CFAP74: variants seen among roughly 807,000 people sequenced by gnomAD.
CFAP74 encodes the protein cilia and flagella associated protein 74.
CFAP74 carries 124 observed loss-of-function variants against 188.9 expected under a neutral mutation model. The ratio of observed to expected loss-of-function variants is 0.66; its 90% CI spans 0.57 to 0.76. The LOEUF is 0.76. Ranked by LOEUF, CFAP74 falls within the 30% of genes least tolerant of loss-of-function variation. The probability of loss-of-function intolerance (pLI) is 0.00; values close to 1 mark genes in which losing one functional copy is unlikely to be tolerated. For synonymous variants in CFAP74, 956 were observed against 916.7 expected (o/e 1.04, Z -0.77); for missense variants, 2,198 against 2,165.2 (o/e 1.02, Z -0.30).
At chr1:1,970,949 GCACATGCA>G (rs1655935290) in intron 9 of CFAP74, 133 bp from the exon 10 acceptor site, 2 of 1,060,956 alleles carry the variant, frequency 1.9e-6, no homozygotes, top group Admixed American at 4.2e-5. Flanking sequence ...ATGCACACCT[GCACATGCA>G]CACATCACAC....
chr1:1,983,289 C>CT (rs1657023394), intron 6 of CFAP74, among the ~76,000 whole-genome samples: 1 of 152,218 alleles, frequency 6.6e-6, no homozygotes, highest in Admixed American at 6.5e-5. Context: ...GGACACGGAG[C>CT]GGGATTTCCC....
intron 14 of CFAP74, among the ~76,000 whole-genome samples, chr1:1,961,724 C>G (rs921854902): frequency 6.6e-6 from 1 of 152,230 alleles, no homozygotes; most frequent in Admixed American, 6.5e-5. Flanking sequence ...AAACACCAAC[C>G]TCCAGCATGC....
Position 1,975,608 on chromosome 1 carries a change from A to G in CFAP74, c.501-1410T>C, listed in dbSNP as rs1656387293. ...AATTTTAAACAGAGGGCTCCTTTCC[A>G]GGGAGCATGGGTCACTTCGGATCTC... On this transcript the variant is annotated intron_variant, in intron 6 of 38. Transcript: ENST00000682832. The surrounding 1 kb of genome is among the most constrained non-coding windows in gnomAD (Gnocchi z 4.5). Among the ~76,000 whole-genome samples, 1 of 152,176 alleles carries G rather than the reference A, an allele frequency of 6.6e-6. No homozygotes were observed. Among genetic ancestry groups the G allele is most frequent in the Non-Finnish European group, 1.5e-5 (1 of 68,026 alleles).
chr1:1,985,350 C>T (rs1657165675), intron 6 of CFAP74, 36 bp downstream of exon 6: 1 of 1,572,896 alleles, frequency 6.4e-7, no homozygotes, highest in Admixed American at 1.7e-5. Context: ...GTTCTGGGGC[C>T]TGCCTGCTGC....
chr1:1,989,290 C>T (rs1009903829), intron 2 of CFAP74, among the ~76,000 whole-genome samples: 1 of 152,224 alleles, frequency 6.6e-6, no homozygotes, highest in Non-Finnish European at 1.5e-5. Context: ...GAGAGCCGGC[C>T]ACGCAGCTGT....
At chr1:1,998,135 G>A (rs912664955) in intron 1 of CFAP74, among the ~76,000 whole-genome samples, 7 of 152,086 alleles carry the variant, frequency 4.6e-5, no homozygotes, top group African/African-American at 9.7e-5. Flanking sequence ...AAAATTAGCC[G>A]AGTGTGGTGG....
chr1:2,001,662 C>G (rs1328335006), intron 1 of CFAP74, among the ~76,000 whole-genome samples: 1 of 152,142 alleles, frequency 6.6e-6, no homozygotes, highest in African/African-American at 2.4e-5. Context: ...AAAGAACTTC[C>G]CAGTGGAGAT....
Position 1,970,766 on chromosome 1 carries a change from C to T in CFAP74, c.939G>A (p.Ala313=), listed in dbSNP as rs377356521. 83 of 1,614,068 alleles carry T rather than the reference C, an allele frequency of 5.1e-5. No homozygotes were observed. The Middle Eastern group carries it at 6.6e-4, about 13-fold the overall frequency. ...QAWDRAKAEL[A]EQRVQAEKKA... ...TCTTCTCAGCCTGGACCCTCTGCTC[C>T]GCCAGCTCTGCCTTGGCACGGTCCC... is the stretch of plus-strand genomic sequence containing the variant. The change falls in exon 10 of 39, where the codon GCG becomes GCA. Residue 313 remains alanine (A), a synonymous_variant. Coordinates refer to ENST00000682832, the MANE Select transcript of CFAP74 (RefSeq NM_001304360.2).
chr1:1,987,995 G>T (rs138397817), intron 4 of CFAP74: 1 of 424,910 alleles, frequency 2.4e-6, no homozygotes, highest in Non-Finnish European at 4.7e-6. Context: ...TAGAGACAGG[G>T]TCTTGCTCTG....
intron 33 of CFAP74, among the ~76,000 whole-genome samples, chr1:1,925,349 T>C (rs977951324): frequency 2.6e-5 from 4 of 151,264 alleles, no homozygotes; most frequent in African/African-American, 9.8e-5. Context: ...TGTGAAGGCA[T>C]GAGAGCACAC....
chr1:1,988,990 G>C lies in CFAP74; in HGVS notation c.68-17C>G. 8.4e-7 allele frequency: 1 copy of C among 1,192,798 alleles called. No homozygotes were observed. Among genetic ancestry groups the C allele is most frequent in the Non-Finnish European group, 1.2e-6 (1 of 835,276 alleles). 73.9% of individuals were successfully genotyped at this position (1,192,798 alleles called of 1,614,324 possible). A position where few individuals can be genotyped will look rare whatever the true frequency, so the allele number is the denominator to read the frequency against. ...CATCTCTTTCTAGAAATCAAGGCAAGAGTTTAAAAAAAAAAAAAAGCAGAT... is the reference window on the plus strand; with the variant it reads ...CATCTCTTTCTAGAAATCAAGGCAACAGTTTAAAAAAAAAAAAAAGCAGAT... On this transcript the variant is annotated splice_polypyrimidine_tract_variant and intron_variant, in intron 2 of 38. Transcript: ENST00000682832.
chr1:1,974,336 T>C, intron 6 of CFAP74, 138 bp from the exon 7 acceptor site: 3 of 758,786 alleles, frequency 4.0e-6, no homozygotes, highest in South Asian at 4.4e-5. Context: ...CTAGGGGCCA[T>C]CTCCGCTCTG....
intron 17 of CFAP74, 86 bp downstream of exon 17, chr1:1,956,534 T>C: frequency 6.6e-7 from 1 of 1,524,728 alleles, no homozygotes; most frequent in Non-Finnish European, 9.0e-7. Flanking sequence ...GTTGATACCC[T>C]CATGTTGTCA....
chr1:1,988,921 T>A lies in CFAP74; in HGVS notation c.120A>T (p.Glu40Asp), dbSNP rs766053503. The A allele has an allele frequency of 3.2e-6, 5 of 1,571,522 alleles. No individual in the cohort carries two copies. The African/African-American group carries it at 5.5e-5, about 17-fold the overall frequency. Residue 40 changes from glutamate to aspartate, a missense_variant, in exon 3 of 39, where the codon GAA becomes GAT. Coordinates refer to ENST00000682832, the MANE Select transcript of CFAP74 (RefSeq NM_001304360.2). Reference sequence around the variant, plus strand: ...GTCCCGGGTCCACGTCATCCTCAGCTTCCTGTAGAAGACATTTGATGTCAA... The same window carrying A: ...GTCCCGGGTCCACGTCATCCTCAGCATCCTGTAGAAGACATTTGATGTCAA... ...PEFDIKCLLQ[E>D]AEDDVDPGHS...
chr1:1,975,657 A>G lies in CFAP74; in HGVS notation c.501-1459T>C, dbSNP rs16824605. ...TCTGGCTGGTGTCCTGTCATGCAGC[A>G]CGTTCATTGCTCCCCAAGTCTGGGG... On this transcript the variant is annotated intron_variant, in intron 6 of 38. Transcript: ENST00000682832. This position sits in a 1 kb window ranked among gnomAD's most constrained non-coding sequence, Gnocchi z 4.5. Among the ~76,000 whole-genome samples, 32,212 of 152,006 alleles carry G rather than the reference A, an allele frequency of 0.21. 3,572 individuals carry two copies. The highest frequency in any genetic ancestry group is 0.34 in the Middle Eastern group (99 of 292).
At chr1:1,999,981 C>G (rs1048249905) in intron 1 of CFAP74, among the ~76,000 whole-genome samples, 3 of 151,498 alleles carry the variant, frequency 2.0e-5, no homozygotes, top group Admixed American at 1.3e-4. Flanking sequence ...CTGGCTAACA[C>G]GGTGAAACCC....
intron 28 of CFAP74, 103 bp downstream of exon 28, chr1:1,927,504 T>C: frequency 8.8e-7 from 1 of 1,139,956 alleles, no homozygotes; most frequent in Non-Finnish European, 1.2e-6. Flanking sequence ...GCCACATGGG[T>C]CATTCCGGGC....
At chr1:1,967,798 T>C (rs780029990) in intron 11 of CFAP74, among the ~76,000 whole-genome samples, 1 of 152,096 alleles carries the variant, frequency 6.6e-6, no homozygotes, top group Non-Finnish European at 1.5e-5. Flanking sequence ...CCCACACCTT[T>C]AGGGAAAGGT....
chr1:1,941,359 G>C (rs950612238), intron 22 of CFAP74, among the ~76,000 whole-genome samples: 15 of 152,216 alleles, frequency 9.9e-5, no homozygotes, highest in African/African-American at 9.7e-5. Context: ...GGGCAGCTCT[G>C]GGGGGCTGGG....
Sources: gnomAD v4.1 joint callset for allele counts (sites outside exome capture counted in the v4.1 genomes callset) on GRCh38, gnomAD v4.1.1 for gene constraint, Gnocchi (gnomAD v3.1) non-coding constraint, MANE v1.5 for transcripts, NCBI Gene and HGNC (gene_info 2026-07-23, HGNC 2026-07-21) for gene names.